UBL3: variants seen among roughly 807,000 people sequenced by gnomAD.
UBL3 encodes ubiquitin like 3.
In UBL3, 6 loss-of-function variants were observed where a neutral mutation model predicts 18.4. That is an observed-to-expected ratio of 0.33 (90% CI 0.18 to 0.64). The LOEUF is 0.64. Among genes scored for constraint, UBL3 ranks in the 30% least tolerant of loss-of-function variants. The pLI, the probability that UBL3 is intolerant of heterozygous loss-of-function variation, is 0.76. For missense variants in UBL3, 109 were observed against 142.9 expected, an observed-to-expected ratio of 0.76 and a Z score of 1.21; for synonymous variants, 49 against 46.6, an observed-to-expected ratio of 1.05 and a Z score of -0.21.
chr13:29,806,089 A>C (rs564059534), intron 1 of UBL3, among the ~76,000 whole-genome samples: 1 of 152,356 alleles, frequency 6.6e-6, no homozygotes, highest in Non-Finnish European at 1.5e-5. Flanking sequence ...AGGCAGGAGA[A>C]TAGCTTGAGC....
intron 1 of UBL3, among the ~76,000 whole-genome samples, chr13:29,842,985 C>T (rs1040527327): frequency 2.0e-5 from 3 of 152,134 alleles, no homozygotes; most frequent in Non-Finnish European, 2.9e-5. Flanking sequence ...ATATGGTTTC[C>T]ACACCCATAG....
intron 1 of UBL3, among the ~76,000 whole-genome samples, chr13:29,803,548 C>G (rs528382282): frequency 2.6e-5 from 4 of 151,482 alleles, no homozygotes; most frequent in Non-Finnish European, 5.9e-5. Flanking sequence ...TCATCTTACA[C>G]GCAATGACAT....
chr13:29,828,846 G>C (rs938959820), intron 1 of UBL3, among the ~76,000 whole-genome samples: 1 of 152,294 alleles, frequency 6.6e-6, no homozygotes. Context: ...CGTACAGATG[G>C]GGTTTTGGTG....
intron 1 of UBL3, among the ~76,000 whole-genome samples, chr13:29,795,954 G>C (rs941616189): frequency 6.6e-6 from 1 of 151,194 alleles, no homozygotes; most frequent in Non-Finnish European, 1.5e-5. Context: ...TTTAAATAAG[G>C]AGAAGAATTT....
At chr13:29,806,663 A>G (rs975785409) in intron 1 of UBL3, among the ~76,000 whole-genome samples, 5 of 152,210 alleles carry the variant, frequency 3.3e-5, no homozygotes, top group African/African-American at 7.2e-5. Flanking sequence ...TTGCTTCATT[A>G]TAAATACTGA....
At chr13:29,848,920 G>T (rs1041074564) in intron 1 of UBL3, among the ~76,000 whole-genome samples, 9 of 152,210 alleles carry the variant, frequency 5.9e-5, no homozygotes, top group East Asian at 1.9e-4. Context: ...AATATTCATT[G>T]TAAGTACCAA....
intron 1 of UBL3, among the ~76,000 whole-genome samples, chr13:29,787,194 G>A (rs1430174443): frequency 3.3e-5 from 5 of 151,724 alleles, no homozygotes; most frequent in Non-Finnish European, 7.4e-5. Flanking sequence ...CATCAGTGAA[G>A]AAACAAAGAA....
At chr13:29,790,738 T>TGTTACCCACCCCACAGAACTAGTGTTTG (rs1388908451) in intron 1 of UBL3, among the ~76,000 whole-genome samples, 132 of 151,526 alleles carry the variant, frequency 8.7e-4, no homozygotes, top group Non-Finnish European at 1.6e-3. Flanking sequence ...CCATATTACC[T>TGTTACCCACCCCACAGAACTAGTGTTTG]GTTACCCACC....
At chr13:29,843,811 C>T (rs1261674109) in intron 1 of UBL3, among the ~76,000 whole-genome samples, 1 of 152,160 alleles carries the variant, frequency 6.6e-6, no homozygotes, top group South Asian at 2.1e-4. Flanking sequence ...AAAGCAGGTA[C>T]TTTCTCACTT....
intron 1 of UBL3, among the ~76,000 whole-genome samples, chr13:29,826,043 A>T (rs1878610057): frequency 6.6e-6 from 1 of 152,194 alleles, no homozygotes. Flanking sequence ...CCAGGGATGA[A>T]GCCCACTTGA....
intron 1 of UBL3, among the ~76,000 whole-genome samples, chr13:29,845,412 C>A (rs1292607410): frequency 6.6e-6 from 1 of 151,924 alleles, no homozygotes; most frequent in Non-Finnish European, 1.5e-5. Flanking sequence ...AAATAAGAAT[C>A]ATCAGGAATA....
intron 1 of UBL3, among the ~76,000 whole-genome samples, chr13:29,836,447 C>G (rs1878965745): frequency 6.6e-6 from 1 of 151,676 alleles, no homozygotes; most frequent in African/African-American, 2.4e-5. Context: ...AATATCAGAC[C>G]AAATTTCCCA....
At chr13:29,785,986 T>C (rs561252653) in intron 1 of UBL3, among the ~76,000 whole-genome samples, 3 of 152,164 alleles carry the variant, frequency 2.0e-5, no homozygotes, top group Non-Finnish European at 2.9e-5. Flanking sequence ...GTAAAAATAA[T>C]AGCTTGCCAT....
At chr13:29,781,428 G>T (rs1273412847) in intron 1 of UBL3, among the ~76,000 whole-genome samples, 2 of 152,050 alleles carry the variant, frequency 1.3e-5, no homozygotes, top group African/African-American at 4.8e-5. Context: ...TTAATTCAAA[G>T]AGTACTCAAT....
intron 1 of UBL3, among the ~76,000 whole-genome samples, chr13:29,800,932 TATGGAA>T (rs999970957): frequency 6.6e-6 from 1 of 152,146 alleles, no homozygotes; most frequent in African/African-American, 2.4e-5. Flanking sequence ...GCAGCAGCCT[TATGGAA>T]AAAGGGCCAG....
chr13:29,843,471 A>C (rs1879156380), intron 1 of UBL3, among the ~76,000 whole-genome samples: 1 of 152,128 alleles, frequency 6.6e-6, no homozygotes, highest in Non-Finnish European at 1.5e-5. Flanking sequence ...CTTGGTTTTA[A>C]GAGCTGTCAT....
chr13:29,767,612 G>A lies in UBL3; in HGVS notation c.301+6C>T. 6.2e-7 allele frequency: 1 copy of A among 1,612,288 alleles called. No individual in the cohort carries two copies. The highest frequency in any genetic ancestry group is 1.1e-5 in the South Asian group (1 of 90,878). On this transcript the variant is annotated splice_donor_region_variant and intron_variant, in intron 4 of 4. Coordinates refer to ENST00000380680, the MANE Select transcript of UBL3 (RefSeq NM_007106.4). Reference sequence around the variant, plus strand: ...AACTGAGATACTTTTCCAGTGCATGGCTTACCTTGAGAGTTTGGCTCTGGT... The same window carrying A: ...AACTGAGATACTTTTCCAGTGCATGACTTACCTTGAGAGTTTGGCTCTGGT...
intron 1 of UBL3, among the ~76,000 whole-genome samples, chr13:29,828,339 T>C (rs1392558944): frequency 2.0e-5 from 3 of 152,186 alleles, no homozygotes; most frequent in African/African-American, 7.2e-5. Flanking sequence ...ATTTGGTCTA[T>C]TCACATAGTC....
intron 1 of UBL3, among the ~76,000 whole-genome samples, chr13:29,795,354 T>C (rs373359704): frequency 6.6e-5 from 10 of 152,042 alleles, no homozygotes; most frequent in African/African-American, 2.2e-4. Context: ...CCTAAGAATT[T>C]AACCTAATAA....
Sources: allele counts gnomAD v4.1 joint callset (sites outside exome capture counted in the v4.1 genomes callset), GRCh38; gene constraint gnomAD v4.1.1; transcripts MANE v1.5; gene names NCBI Gene and HGNC (gene_info 2026-07-23, HGNC 2026-07-21).